The following PHF21B variants were observed in gnomAD, a reference collection of about 807,000 sequenced individuals.
The protein encoded by PHF21B is PHD finger protein 21B, also known as PHD finger protein 4.
PHF21B carries 22 observed loss-of-function variants against 62.2 expected under a neutral mutation model. The observed-to-expected ratio is 0.35, with a 90% CI of 0.25 to 0.51. The LOEUF (loss-of-function observed/expected upper bound fraction) is 0.51, where lower values mean the gene tolerates loss of function less well. PHF21B is among the 20% of genes least tolerant of loss of function. The pLI, the probability that PHF21B is intolerant of heterozygous loss-of-function variation, is 0.97. For missense variants in PHF21B, 701 were observed against 707.9 expected, an observed-to-expected ratio of 0.99 and a Z score of 0.11; for synonymous variants, 341 against 314.7, an observed-to-expected ratio of 1.08 and a Z score of -0.88.
chr22:44,965,796 G>A (rs745978623), intron 2 of PHF21B, among the ~76,000 whole-genome samples: 29 of 152,104 alleles, frequency 1.9e-4, no homozygotes, highest in Non-Finnish European at 3.2e-4. Context: ...TGGGGCGGAC[G>A]GGGCCATCCC....
chr22:45,008,925 C>T, intron 1 of PHF21B: 2 of 1,123,910 alleles, frequency 1.8e-6, no homozygotes, highest in Non-Finnish European at 2.2e-6. Context: ...TGAGTGTGTG[C>T]CGGGGGAGGG....
chr22:44,927,670 G>T, intron 2 of PHF21B, among the ~76,000 whole-genome samples: 1 of 152,218 alleles, frequency 6.6e-6, no homozygotes, highest in East Asian at 1.9e-4. Context: ...AAGCCTACCC[G>T]AGTGCGTTCT....
intron 2 of PHF21B, among the ~76,000 whole-genome samples, chr22:44,982,680 A>T (rs2072864571): frequency 6.6e-6 from 1 of 152,124 alleles, no homozygotes; most frequent in Non-Finnish European, 1.5e-5. Flanking sequence ...TTAATTTCAG[A>T]CTTTGTGTGT....
intron 2 of PHF21B, among the ~76,000 whole-genome samples, chr22:44,935,683 G>C (rs1299507666): frequency 6.6e-6 from 1 of 152,094 alleles, no homozygotes; most frequent in African/African-American, 2.4e-5. Flanking sequence ...GAGGCCCCAA[G>C]AAACTGGCAG....
chr22:44,927,288 A>G (rs907060071), intron 2 of PHF21B, among the ~76,000 whole-genome samples: 1 of 151,904 alleles, frequency 6.6e-6, no homozygotes, highest in African/African-American at 2.4e-5. Context: ...TGTCCCCCCA[A>G]AACTCCAAAC....
At chr22:44,998,614 C>CTCCCAA (rs902402655) in intron 2 of PHF21B, among the ~76,000 whole-genome samples, 6 of 152,312 alleles carry the variant, frequency 3.9e-5, no homozygotes, top group African/African-American at 1.4e-4. Context: ...TTTCCACAGA[C>CTCCCAA]TCCCAAGTCA....
chr22:44,952,336 T>G (rs2072210679), intron 2 of PHF21B, among the ~76,000 whole-genome samples: 1 of 152,172 alleles, frequency 6.6e-6, no homozygotes, highest in Non-Finnish European at 1.5e-5. Context: ...AGAGCGAAAC[T>G]TTGTCTCAAA....
Position 44,939,635 on chromosome 22 carries a change from GC to G in PHF21B, c.121-19146del, listed in dbSNP as rs2071916945. Reference sequence around the variant, plus strand: ...GGCGGAGGTAACTGTGGGACACCCAGCCCGTCCTGTCCCAGCATCAACGAGG... The same window carrying G: ...GGCGGAGGTAACTGTGGGACACCCAGCCGTCCTGTCCCAGCATCAACGAGG... On this transcript the variant is annotated intron_variant, in intron 2 of 12. Transcript: ENST00000313237. Among the ~76,000 whole-genome samples the G allele has an allele frequency of 2.0e-5, 3 of 152,188 alleles. No individual in the cohort carries two copies. In the South Asian group the frequency reaches 6.2e-4, roughly 31 times the overall value.
chr22:45,004,131 C>G (rs1023895720), intron 2 of PHF21B, among the ~76,000 whole-genome samples: 1 of 151,896 alleles, frequency 6.6e-6, no homozygotes, highest in African/African-American at 2.4e-5. Context: ...CTTTTATAGG[C>G]GACAAAAATA....
chr22:44,900,327 A>G (rs764757905), intron 5 of PHF21B, among the ~76,000 whole-genome samples: 3 of 151,956 alleles, frequency 2.0e-5, no homozygotes, highest in South Asian at 2.1e-4. Context: ...AAGATTTACA[A>G]CTTTTTTTTG....
intron 2 of PHF21B, among the ~76,000 whole-genome samples, chr22:44,934,778 C>T (rs2071811837): frequency 6.6e-6 from 1 of 152,246 alleles, no homozygotes; most frequent in Admixed American, 6.5e-5. Context: ...GTCCCCACTG[C>T]ACCCACTTCT....
intron 7 of PHF21B, among the ~76,000 whole-genome samples, chr22:44,892,510 G>A (rs59610627): frequency 6.6e-6 from 1 of 152,226 alleles, no homozygotes; most frequent in Non-Finnish European, 1.5e-5. Context: ...AGACTAGCCC[G>A]CACCCTGGGA....
chr22:44,893,217 C>G (rs1419273816), intron 7 of PHF21B, among the ~76,000 whole-genome samples: 5 of 152,234 alleles, frequency 3.3e-5, no homozygotes, highest in Non-Finnish European at 7.3e-5. Flanking sequence ...CCACGCCCAC[C>G]AGAGAGCCTC....
chr22:44,887,172 AAAAG>A (rs1555929923), intron 10 of PHF21B, among the ~76,000 whole-genome samples: 6 of 151,270 alleles, frequency 4.0e-5, no homozygotes, highest in Non-Finnish European at 7.4e-5. Flanking sequence ...AAAAAAAAAA[AAAAG>A]AAAGAAAGAA....
intron 2 of PHF21B, among the ~76,000 whole-genome samples, chr22:45,007,353 C>T (rs1279783565): frequency 6.6e-6 from 1 of 151,612 alleles, no homozygotes; most frequent in African/African-American, 2.4e-5. Flanking sequence ...ACCTCGTCCA[C>T]GTCTCTCCCC....
chr22:44,974,541 G>A (rs1340692274), intron 2 of PHF21B, among the ~76,000 whole-genome samples: 3 of 152,094 alleles, frequency 2.0e-5, no homozygotes, highest in Non-Finnish European at 4.4e-5. Flanking sequence ...CCTGCACAAA[G>A]TCCTACATCC....
intron 2 of PHF21B, among the ~76,000 whole-genome samples, chr22:44,976,332 C>G (rs1195498462): frequency 6.6e-6 from 1 of 152,094 alleles, no homozygotes; most frequent in African/African-American, 2.4e-5. Context: ...CACTCAAAAT[C>G]CTCTCTTCAC....
At chr22:44,964,364 C>A (rs1269036024) in intron 2 of PHF21B, among the ~76,000 whole-genome samples, 1 of 152,112 alleles carries the variant, frequency 6.6e-6, no homozygotes, top group African/African-American at 2.4e-5. Flanking sequence ...CGTGGTGCAC[C>A]CCGGCCCCCC....
chr22:44,919,470 A>T (rs2071496775), intron 3 of PHF21B, among the ~76,000 whole-genome samples: 1 of 152,196 alleles, frequency 6.6e-6, no homozygotes, highest in African/African-American at 2.4e-5. Context: ...AAACCAAAAG[A>T]TTGGAAGATT....
Sources: allele counts gnomAD v4.1 joint callset (sites outside exome capture counted in the v4.1 genomes callset), GRCh38; gene constraint gnomAD v4.1.1; transcripts MANE v1.5; gene names NCBI Gene and HGNC (gene_info 2026-07-23, HGNC 2026-07-21).